The following CD96 variants were observed in gnomAD, a reference collection of about 807,000 sequenced individuals.
CD96 encodes the protein T-cell surface protein tactile.
In CD96, 70 loss-of-function variants were observed where a neutral mutation model predicts 71.3. That is an observed-to-expected ratio of 0.98 (90% confidence interval 0.81 to 1.20). The LOEUF (loss-of-function observed/expected upper bound fraction) is 1.20. Among genes scored for constraint, CD96 ranks in the 50% most tolerant of loss-of-function variants. The pLI is 0.00. For missense variants in CD96, 742 were observed against 677.5 expected (o/e 1.10, Z -1.06); for synonymous variants, 248 against 233.0 (o/e 1.06, Z -0.59).
At chr3:111,575,713 T>G (rs993584794) in intron 3 of CD96, among the ~76,000 whole-genome samples, 2 of 152,256 alleles carry the variant, frequency 1.3e-5, no homozygotes, top group Non-Finnish European at 2.9e-5. Flanking sequence ...GAGCCTGGTC[T>G]CTGTGCTTCC....
chr3:111,603,610 A>ACC (rs1937548927), intron 7 of CD96, among the ~76,000 whole-genome samples: 1 of 151,958 alleles, frequency 6.6e-6, no homozygotes, highest in South Asian at 2.1e-4. Flanking sequence ...TGAGTGCAAT[A>ACC]CCCCCTGGGG....
intron 8 of CD96, among the ~76,000 whole-genome samples, chr3:111,620,128 T>C (rs911446635): frequency 2.7e-5 from 4 of 150,198 alleles, no homozygotes; most frequent in Non-Finnish European, 6.0e-5. Flanking sequence ...CTCCCTCCGC[T>C]GGCCACAATC....
intron 14 of CD96, among the ~76,000 whole-genome samples, chr3:111,658,273 G>A (rs1257933830): frequency 6.6e-6 from 1 of 152,162 alleles, no homozygotes; most frequent in East Asian, 1.9e-4. Flanking sequence ...TAATGAGTTA[G>A]AAACCATTGA....
At chr3:111,555,059 A>C (rs1286534848) in intron 2 of CD96, among the ~76,000 whole-genome samples, 1 of 152,098 alleles carries the variant, frequency 6.6e-6, no homozygotes, top group Admixed American at 6.6e-5. Flanking sequence ...AGTGATGGGG[A>C]GTAGCTGTAA....
chr3:111,642,839 C>T (rs565679582), intron 12 of CD96, among the ~76,000 whole-genome samples: 47 of 151,396 alleles, frequency 3.1e-4, no homozygotes, highest in Admixed American at 6.6e-4. Context: ...GAAAAATTAC[C>T]GACAAAACAA....
chr3:111,554,024 G>A (rs72939555), intron 2 of CD96, among the ~76,000 whole-genome samples: 1 of 151,654 alleles, frequency 6.6e-6, no homozygotes, highest in East Asian at 1.9e-4. Context: ...TTAAGTTTTG[G>A]TCAAGAAAAG....
At chr3:111,630,095 A>G (rs1938982725) in intron 10 of CD96, among the ~76,000 whole-genome samples, 1 of 152,194 alleles carries the variant, frequency 6.6e-6, no homozygotes. Flanking sequence ...CATCACAACT[A>G]AAAGAACTAG....
intron 2 of CD96, among the ~76,000 whole-genome samples, chr3:111,546,125 A>C (rs1229867341): frequency 6.6e-6 from 1 of 152,198 alleles, no homozygotes; most frequent in Non-Finnish European, 1.5e-5. Context: ...GTTCAGGTAG[A>C]TATAGAAGGA....
chr3:111,578,301 C>T (rs374986444), intron 3 of CD96, among the ~76,000 whole-genome samples: 4 of 152,236 alleles, frequency 2.6e-5, no homozygotes, highest in East Asian at 1.9e-4. Flanking sequence ...AGAAAGGATA[C>T]GGGATAGAAG....
chr3:111,544,948 A>G, intron 1 of CD96, 98 bp from the exon 2 acceptor site: 1 of 976,170 alleles, frequency 1.0e-6, no homozygotes, highest in South Asian at 1.3e-5. Flanking sequence ...AAATTTCCTC[A>G]GTTGCTCCCC....
downstream of CD96, among the ~76,000 whole-genome samples, chr3:111,657,007 A>G (rs1940245242): frequency 6.6e-6 from 1 of 151,946 alleles, no homozygotes; most frequent in African/African-American, 2.4e-5. Flanking sequence ...AATTAAATAA[A>G]TAAGAACAGG....
chr3:111,580,661 C>T (rs915650969), intron 4 of CD96, among the ~76,000 whole-genome samples: 1 of 152,044 alleles, frequency 6.6e-6, no homozygotes, highest in African/African-American at 2.4e-5. Flanking sequence ...CCCTTCCCTC[C>T]TCTGTCCTCC....
chr3:111,555,221 A>C (rs1472473446), intron 2 of CD96, among the ~76,000 whole-genome samples: 3 of 112,148 alleles, frequency 2.7e-5, no homozygotes, highest in African/African-American at 1.0e-4. Flanking sequence ...AATTAAGAGA[A>C]AAGAAAAGAA....
intron 1 of CD96, among the ~76,000 whole-genome samples, chr3:111,543,781 A>T (rs1934236104): frequency 6.6e-6 from 1 of 152,056 alleles, no homozygotes; most frequent in East Asian, 1.9e-4. Context: ...GTTTTACCTT[A>T]CCCCATCTCT....
chr3:111,543,627 G>GTA (rs1485831923), intron 1 of CD96, among the ~76,000 whole-genome samples: 1 of 152,210 alleles, frequency 6.6e-6, no homozygotes, highest in African/African-American at 2.4e-5. Context: ...TTAACATTAA[G>GTA]TATAGGTTAC....
intron 2 of CD96, among the ~76,000 whole-genome samples, chr3:111,555,775 T>G (rs541557003): frequency 1.1e-3 from 161 of 152,328 alleles, no homozygotes; most frequent in African/African-American, 3.7e-3. Flanking sequence ...TTCTTGGATG[T>G]GTAGATTAAT....
intron 3 of CD96, among the ~76,000 whole-genome samples, chr3:111,574,208 G>T (rs1012772596): frequency 8.5e-5 from 13 of 152,192 alleles, no homozygotes; most frequent in African/African-American, 1.7e-4. Flanking sequence ...GCTCAGGATA[G>T]CTCAGAGATG....
Position 111,600,722 on chromosome 3 carries a change from G to T in CD96, c.899-4G>T, listed in dbSNP as rs1204757462. On this transcript the variant is annotated splice_polypyrimidine_tract_variant and splice_region_variant and intron_variant, in intron 6 of 13. Coordinates refer to ENST00000352690, the MANE Select transcript of CD96 (RefSeq NM_005816.5). ...GTTGAACCATGTTCGTATCTGTCTG[G>T]CAGGAATATATATTACTAATGAAGA... 1.2e-6 allele frequency: 2 copies of T among 1,604,156 alleles called. No individual in the cohort carries two copies. The highest frequency in any genetic ancestry group is 3.3e-5 in the Admixed American group (2 of 60,012).
intron 7 of CD96, among the ~76,000 whole-genome samples, chr3:111,602,837 G>A (rs1300529056): frequency 6.6e-6 from 1 of 152,158 alleles, no homozygotes; most frequent in Non-Finnish European, 1.5e-5. Flanking sequence ...TTAGAGAAAC[G>A]CTAAGAATAT....
Sources: gnomAD v4.1 joint callset for allele counts (sites outside exome capture counted in the v4.1 genomes callset) on GRCh38, gnomAD v4.1.1 for gene constraint, MANE v1.5 for transcripts, NCBI Gene and HGNC (gene_info 2026-07-23, HGNC 2026-07-21) for gene names.